DMRT1: variants seen among roughly 807,000 people sequenced by gnomAD.
DMRT1 encodes doublesex- and mab-3-related transcription factor 1.
DMRT1 carries 7 observed loss-of-function variants against 32.3 expected under a neutral mutation model. The ratio of observed to expected loss-of-function variants is 0.22; its 90% CI spans 0.12 to 0.41. The LOEUF (loss-of-function observed/expected upper bound fraction) is 0.41, where lower values mean the gene tolerates loss of function less well. DMRT1 is among the 10% of genes least tolerant of loss of function. The pLI is 1.00. For synonymous variants in DMRT1, 278 were observed against 206.1 expected (o/e 1.35, Z -2.99); for missense variants, 625 against 500.5 (o/e 1.25, Z -2.37).
At chr9:959,861 C>A (rs1369543374) in intron 4 of DMRT1, among the ~76,000 whole-genome samples, 1 of 152,202 alleles carries the variant, frequency 6.6e-6, no homozygotes, top group African/African-American at 2.4e-5. Context: ...AGACTGTCTG[C>A]CAGTGCATGC....
chr9:874,149 A>G (rs955552838), intron 2 of DMRT1, among the ~76,000 whole-genome samples: 2 of 152,200 alleles, frequency 1.3e-5, no homozygotes, highest in African/African-American at 4.8e-5. Context: ...TTTTCTCCTC[A>G]TGTGTATGAT....
chr9:894,014 A>G lies in DMRT1; in HGVS notation c.641A>G (p.Tyr214Cys). ...VSDSTYYSSF[Y>C]QPSLFPYYNN... ...GACTCCACCTACTACAGCAGCTTCT[A>G]CCAGCCGTCTCTGTTTCCTTATTAC... The change falls in exon 3 of 5, where the codon TAC becomes TGC. Residue 214 changes from tyrosine (Y) to cysteine (C), a missense_variant. Tyr to Cys is a radical substitution (Grantham distance 194). Around this residue, in one of 3 missense-constraint regions of DMRT1, gnomAD observed 416 missense variants for 321.6 expected, o/e 1.29. Transcript: ENST00000382276. The G allele has an allele frequency of 6.2e-7, 1 of 1,614,226 alleles. No homozygotes were observed. Among genetic ancestry groups the G allele is most frequent in the Non-Finnish European group, 8.5e-7 (1 of 1,180,038 alleles).
chr9:899,244 G>GA (rs960236239), intron 3 of DMRT1, among the ~76,000 whole-genome samples: 39 of 146,928 alleles, frequency 2.7e-4, no homozygotes, highest in East Asian at 9.9e-4. Context: ...TTGATTCCTA[G>GA]AAAAAAAAAA....
chr9:896,273 T>TTCTTG (rs1347665949), intron 3 of DMRT1, among the ~76,000 whole-genome samples: 3 of 151,590 alleles, frequency 2.0e-5, no homozygotes, highest in Admixed American at 1.3e-4. Context: ...GATTTTTTTT[T>TTCTTG]TCTTGTCTTT....
At chr9:889,593 G>T (rs1817061610) in intron 2 of DMRT1, among the ~76,000 whole-genome samples, 1 of 152,164 alleles carries the variant, frequency 6.6e-6, no homozygotes, top group Non-Finnish European at 1.5e-5. Context: ...GTTTATTGAA[G>T]CCATTCTCTT....
chr9:937,434 A>C (rs1034594929), intron 4 of DMRT1, among the ~76,000 whole-genome samples: 6 of 152,242 alleles, frequency 3.9e-5, no homozygotes, highest in African/African-American at 1.2e-4. Flanking sequence ...TGGTTTCCAC[A>C]GTGTCAGCAT....
intron 4 of DMRT1, among the ~76,000 whole-genome samples, chr9:940,960 G>C (rs943097335): frequency 6.6e-6 from 1 of 152,172 alleles, no homozygotes; most frequent in African/African-American, 2.4e-5. Flanking sequence ...AATCATTAGG[G>C]AATGCAAATA....
chr9:862,802 T>G (rs1482429567), intron 2 of DMRT1, among the ~76,000 whole-genome samples: 1 of 152,030 alleles, frequency 6.6e-6, no homozygotes, highest in Non-Finnish European at 1.5e-5. Context: ...CACTAGGTGG[T>G]TGGGGTTTTC....
intron 2 of DMRT1, among the ~76,000 whole-genome samples, chr9:868,899 A>G (rs1054911280): frequency 6.6e-6 from 1 of 152,168 alleles, no homozygotes; most frequent in African/African-American, 2.4e-5. Context: ...GGTCTCAGCT[A>G]CTTGGGAGAT....
chr9:907,719 C>T (rs1817826796), intron 3 of DMRT1, among the ~76,000 whole-genome samples: 1 of 152,030 alleles, frequency 6.6e-6, no homozygotes, highest in African/African-American at 2.4e-5. Context: ...AGTTCTTACC[C>T]CTTACCCAAA....
chr9:923,275 C>T (rs74950887), intron 4 of DMRT1, among the ~76,000 whole-genome samples: 6,831 of 152,226 alleles, frequency 0.045, 418 homozygotes, highest in African/African-American at 0.14. Context: ...TGATCCAGAA[C>T]GCCAAAGGTG....
intron 3 of DMRT1, among the ~76,000 whole-genome samples, chr9:910,677 C>T (rs1052278343): frequency 2.6e-5 from 4 of 151,964 alleles, no homozygotes; most frequent in African/African-American, 9.7e-5. Flanking sequence ...GAACACAACT[C>T]CAAGGTCTTG....
At chr9:871,696 A>C (rs11790020) in intron 2 of DMRT1, among the ~76,000 whole-genome samples, 17,827 of 135,920 alleles carry the variant, frequency 0.13, 1,170 homozygotes, top group Middle Eastern at 0.24. Context: ...GGATGGTCTC[A>C]ATCTCCTGAC....
chr9:898,743 CTG>C (rs990270145), intron 3 of DMRT1, among the ~76,000 whole-genome samples: 5 of 152,222 alleles, frequency 3.3e-5, no homozygotes, highest in Admixed American at 3.3e-4. Flanking sequence ...ACTTTCTTGA[CTG>C]TGTTGCTAAG....
intron 2 of DMRT1, among the ~76,000 whole-genome samples, chr9:866,130 C>T (rs1392019853): frequency 1.5e-5 from 2 of 137,126 alleles, no homozygotes; most frequent in African/African-American, 5.3e-5. Context: ...TGCTACTGCA[C>T]TCCAGCCTGG....
chr9:916,890 C>T lies in DMRT1; in HGVS notation c.950C>T (p.Pro317Leu), dbSNP rs766842219. 3.7e-6 allele frequency: 6 copies of T among 1,614,144 alleles called. No homozygotes were observed. The highest frequency in any genetic ancestry group is 1.3e-5 in the African/African-American group (1 of 75,030). ...ACTTTTGAGGATGCTCCCTCTTACCCGGAAGCCAGGGCGAGCGGTAGGTGT... is the reference window on the plus strand; with the variant it reads ...ACTTTTGAGGATGCTCCCTCTTACCTGGAAGCCAGGGCGAGCGGTAGGTGT... ...FFTFEDAPSY[P>L]EARASVFSPP... The change falls in exon 4 of 5, where the codon CCG becomes CTG. Residue 317 changes from proline (P) to leucine (L), a missense_variant. This residue lies in a region of DMRT1 where 416 missense variants were observed against 321.6 expected (regional missense o/e 1.29). Transcript: ENST00000382276.
rs1322392851 is a variant in DMRT1 at position 847,161 on chromosome 9, G to C, written c.538+18G>C. 1.9e-6 allele frequency: 3 copies of C among 1,610,460 alleles called. No homozygotes were observed. Among genetic ancestry groups the C allele is most frequent in the Admixed American group, 3.3e-5 (2 of 59,970 alleles). Reference sequence around the variant, plus strand: ...AGCTTCAGGTAATCTGGAGGGGCTGGGGTTCACATGGAGGCTGGGCATGAG... The same window carrying C: ...AGCTTCAGGTAATCTGGAGGGGCTGCGGTTCACATGGAGGCTGGGCATGAG... On this transcript the variant is annotated intron_variant, in intron 2 of 4. Transcript: ENST00000382276.
intron 2 of DMRT1, among the ~76,000 whole-genome samples, chr9:850,287 A>G (rs1377798198): frequency 6.6e-6 from 1 of 152,214 alleles, no homozygotes; most frequent in East Asian, 1.9e-4. Flanking sequence ...TAAACTACGT[A>G]AATATAGAGA....
chr9:916,972 A>G (rs950438120), intron 4 of DMRT1, 65 bp downstream of exon 4: 5 of 1,565,642 alleles, frequency 3.2e-6, no homozygotes, highest in Non-Finnish European at 3.5e-6. Flanking sequence ...GTATTGGGTC[A>G]TTAGCTGTGT....
Sources: gnomAD v4.1 joint callset for allele counts (sites outside exome capture counted in the v4.1 genomes callset) on GRCh38, gnomAD v4.1.1 for gene constraint, gnomAD v4.1.1 regional missense constraint, MANE v1.5 for transcripts, NCBI Gene and HGNC (gene_info 2026-07-23, HGNC 2026-07-21) for gene names.